Variants in ZCCHC4 observed in about 807,000 individuals in gnomAD.
ZCCHC4 encodes the protein zinc finger CCHC-type containing 4, also known as rRNA N(6)-adenosine-methyltransferase ZCCHC4.
A neutral mutation model predicts 67.7 loss-of-function variants in ZCCHC4; 54 were observed. The ratio of observed to expected loss-of-function variants is 0.80; its 90% CI spans 0.64 to 1.00. The LOEUF (loss-of-function observed/expected upper bound fraction) is 1.00, where lower values mean the gene tolerates loss of function less well. Among genes scored for constraint, ZCCHC4 ranks in the 50% least tolerant of loss-of-function variants. The pLI, the probability that ZCCHC4 is intolerant of heterozygous loss-of-function variation, is 0.00. For synonymous variants in ZCCHC4, 198 were observed against 213.5 expected, an observed-to-expected ratio of 0.93 and a Z score of 0.63; for missense variants, 609 against 617.0, an observed-to-expected ratio of 0.99 and a Z score of 0.14.
At chr4:25,327,429 C>T (rs1285074828) in intron 3 of ZCCHC4, among the ~76,000 whole-genome samples, 1 of 147,462 alleles carries the variant, frequency 6.8e-6, no homozygotes, top group African/African-American at 2.5e-5. Context: ...TCCCTCCTTC[C>T]CTCCTTCCTT....
intron 5 of ZCCHC4, among the ~76,000 whole-genome samples, chr4:25,336,454 T>C (rs1719464640): frequency 6.6e-6 from 1 of 152,122 alleles, no homozygotes; most frequent in Non-Finnish European, 1.5e-5. Context: ...AGTTTAACTT[T>C]TGGGTTCTTA....
chr4:25,314,529 C>A (rs1004617071), intron 2 of ZCCHC4, among the ~76,000 whole-genome samples: 23 of 152,194 alleles, frequency 1.5e-4, no homozygotes, highest in African/African-American at 5.3e-4. Context: ...GATCAAGATG[C>A]TGGCAGATCT....
intron 8 of ZCCHC4, among the ~76,000 whole-genome samples, chr4:25,358,545 C>T (rs1281018788): frequency 1.3e-5 from 2 of 152,206 alleles, no homozygotes; most frequent in East Asian, 1.9e-4. Context: ...TAACAAATCT[C>T]TTTAATAATG....
intron 5 of ZCCHC4, among the ~76,000 whole-genome samples, chr4:25,338,734 A>T (rs1719590125): frequency 1.3e-5 from 2 of 152,176 alleles, no homozygotes; most frequent in African/African-American, 4.8e-5. Flanking sequence ...TCAGTACTTC[A>T]TTCCTTTTTT....
At chr4:25,324,406 C>A (rs371305968) in intron 3 of ZCCHC4, among the ~76,000 whole-genome samples, 29 of 152,138 alleles carry the variant, frequency 1.9e-4, no homozygotes, top group South Asian at 2.1e-4. Flanking sequence ...GTCAACAGTT[C>A]ATTCCTTTAT....
chr4:25,361,975 G>C lies in ZCCHC4; in HGVS notation c.1128G>C (p.Gly376=). 6.2e-7 allele frequency: 1 copy of C among 1,613,292 alleles called. No homozygotes were observed. The highest frequency in any genetic ancestry group is 8.5e-7 in the Non-Finnish European group (1 of 1,179,740). The change falls in exon 9 of 13, where the codon GGG becomes GGC. Residue 376 remains glycine (G), a synonymous_variant. Coordinates refer to ENST00000302874, the MANE Select transcript of ZCCHC4 (RefSeq NM_024936.3). ...AAATAATCCTTCCTACTGAAGAAGG[G>C]TACAGGTAAGATCACAGTGGAACTT... is the stretch of plus-strand genomic sequence containing the variant. ...PNKIILPTEE[G]YRFCSPCQRY...
intron 3 of ZCCHC4, among the ~76,000 whole-genome samples, chr4:25,319,379 C>T (rs1202772245): frequency 6.6e-6 from 1 of 150,872 alleles, no homozygotes; most frequent in African/African-American, 2.4e-5. Context: ...AGCGAGACTC[C>T]GTCTCAAAGA....
At chr4:25,343,338 C>T (rs1719843316) in intron 5 of ZCCHC4, among the ~76,000 whole-genome samples, 1 of 151,764 alleles carries the variant, frequency 6.6e-6, no homozygotes, top group African/African-American at 2.4e-5. Flanking sequence ...GATATTGTAC[C>T]GAGAATGGTT....
chr4:25,332,297 CAAAA>C (rs35606314), intron 3 of ZCCHC4, among the ~76,000 whole-genome samples: 4 of 94,060 alleles, frequency 4.3e-5, no homozygotes, highest in African/African-American at 8.3e-5. Context: ...GACTCCATCT[CAAAA>C]AAAAAAAAAA....
Position 25,369,306 on chromosome 4 carries a change from T to C in ZCCHC4, c.*142T>C. 8.9e-7 allele frequency: 1 copy of C among 1,120,352 alleles called. No individual in the cohort carries two copies. The allele number at this position is 1,120,352 out of a possible 1,614,324, so 69.4% of individuals were successfully genotyped here. On this transcript the variant is annotated 3_prime_UTR_variant, in exon 13 of 13. Transcript: ENST00000302874. ...TAGATAACAGGCAGGTGGCATTTGC[T>C]GGTTTACAGTCCCTTATCTGCCTCT... is the stretch of plus-strand genomic sequence containing the variant.
At chr4:25,366,244 T>G in intron 12 of ZCCHC4, 1 of 907,376 alleles carries the variant, frequency 1.1e-6, no homozygotes, top group South Asian at 5.1e-5. Context: ...CTTTAAATAA[T>G]TATTTCCACT....
intron 3 of ZCCHC4, among the ~76,000 whole-genome samples, chr4:25,327,114 G>C (rs1343861946): frequency 6.6e-6 from 1 of 152,164 alleles, no homozygotes; most frequent in Non-Finnish European, 1.5e-5. Flanking sequence ...TTTTGTACAT[G>C]TGTGATCATG....
intron 12 of ZCCHC4, 98 bp downstream of exon 12, chr4:25,365,264 A>G (rs759731796): frequency 2.3e-5 from 36 of 1,537,024 alleles, no homozygotes; most frequent in Non-Finnish European, 3.0e-5. Flanking sequence ...TGAAGTGCCA[A>G]GTTAATTGTC....
chr4:25,344,437 G>T (rs1237053841), intron 5 of ZCCHC4, among the ~76,000 whole-genome samples: 63 of 122,312 alleles, frequency 5.2e-4, no homozygotes, highest in East Asian at 1.0e-3. Context: ...ACAGGAAGGG[G>T]AACATCACAC....
At chr4:25,350,440 T>A (rs1182631617) in intron 7 of ZCCHC4, among the ~76,000 whole-genome samples, 1 of 151,976 alleles carries the variant, frequency 6.6e-6, no homozygotes, top group Non-Finnish European at 1.5e-5. Flanking sequence ...TTTTTTCCCC[T>A]GTATTTTTAG....
At chr4:25,342,524 A>G (rs995399622) in intron 5 of ZCCHC4, among the ~76,000 whole-genome samples, 1 of 152,254 alleles carries the variant, frequency 6.6e-6, no homozygotes, top group Non-Finnish European at 1.5e-5. Flanking sequence ...TTATCCAAAT[A>G]AAGTTATGTC....
chr4:25,365,923 ATT>A (rs1206016671), intron 12 of ZCCHC4: 3 of 984,314 alleles, frequency 3.0e-6, no homozygotes, highest in Non-Finnish European at 3.6e-6. Context: ...CTCTTCCTTT[ATT>A]GCTAAGAAAA....
At chr4:25,315,961 C>T (rs960683087) in intron 3 of ZCCHC4, among the ~76,000 whole-genome samples, 17 of 152,110 alleles carry the variant, frequency 1.1e-4, no homozygotes, top group Admixed American at 2.6e-4. Context: ...TCAAGGGATC[C>T]GCCCACCTCA....
chr4:25,329,471 T>A (rs973492723), intron 3 of ZCCHC4, among the ~76,000 whole-genome samples: 7 of 151,580 alleles, frequency 4.6e-5, no homozygotes, highest in South Asian at 2.1e-4. Context: ...ATGTAAGGTG[T>A]TTTGTTTTTT....
Sources: gnomAD v4.1 joint callset for allele counts (sites outside exome capture counted in the v4.1 genomes callset) on GRCh38, gnomAD v4.1.1 for gene constraint, MANE v1.5 for transcripts, NCBI Gene and HGNC (gene_info 2026-07-23, HGNC 2026-07-21) for gene names.